Variants in AOX1 observed in about 807,000 individuals in gnomAD.
The protein encoded by AOX1 is aldehyde oxidase 1.
A neutral mutation model predicts 169.5 loss-of-function variants in AOX1; 153 were observed. That is an observed-to-expected ratio of 0.90 (90% CI 0.79 to 1.03). The LOEUF is 1.03. Ranked by LOEUF, AOX1 falls within the 50% of genes least tolerant of loss-of-function variation. The pLI is 0.00. For missense variants in AOX1, 1,656 were observed against 1,663.9 expected, an observed-to-expected ratio of 1.00 and a Z score of 0.08; for synonymous variants, 562 against 581.9, an observed-to-expected ratio of 0.97 and a Z score of 0.49.
chr2:200,595,536 G>C (rs1420149967), intron 3 of AOX1, among the ~76,000 whole-genome samples, 168 bp downstream of exon 3: 1 of 152,022 alleles, frequency 6.6e-6, no homozygotes, highest in Non-Finnish European at 1.5e-5. Context: ...TGAATGTTTT[G>C]GGAAAAAAAT....
intron 8 of AOX1, 121 bp from the exon 9 acceptor site, chr2:200,604,575 G>T (rs1275180526): frequency 1.8e-6 from 2 of 1,091,286 alleles, no homozygotes; most frequent in Non-Finnish European, 2.7e-6. Context: ...AGGTCACTTT[G>T]TACTTTATTT....
At chr2:200,647,260 C>T (rs1472684033) in intron 25 of AOX1, among the ~76,000 whole-genome samples, 1 of 152,152 alleles carries the variant, frequency 6.6e-6, no homozygotes, top group East Asian at 1.9e-4. Flanking sequence ...CTGCTTTTAG[C>T]AGTTCTTGTA....
chr2:200,610,813 C>T (rs1178679667), intron 12 of AOX1, among the ~76,000 whole-genome samples: 3 of 152,106 alleles, frequency 2.0e-5, no homozygotes, highest in South Asian at 4.1e-4. Flanking sequence ...CTCTGGGCTA[C>T]TCTGTGAGAT....
intron 10 of AOX1, 93 bp downstream of exon 10, chr2:200,605,721 A>G: frequency 5.6e-6 from 3 of 536,806 alleles, no homozygotes; most frequent in Non-Finnish European, 9.7e-6. Flanking sequence ...ATGATTCCTA[A>G]TTATAATACA....
Position 200,636,997 on chromosome 2 carries a change from G to T in AOX1, c.2433G>T (p.Val811=). 2.5e-6 allele frequency: 4 copies of T among 1,614,116 alleles called. No homozygotes were observed. The African/African-American group carries it at 5.3e-5, about 22-fold the overall frequency. ...TTGGTGGAGCGTTTGGAGGGAAGGT[G>T]TTAAAAACCGGAATCATTGCAGCCG... The part of the protein sequence containing the change: ...RRVGGAFGGK[V]LKTGIIAAVT... Residue 811 remains valine (V), a synonymous_variant, in exon 22 of 35, where the codon GTG becomes GTT. Transcript: ENST00000374700.
rs1459053754 is a variant in AOX1 at position 200,671,416 on chromosome 2, G to C, written c.*737G>C. 6.6e-6 allele frequency: 1 copy of C among 152,166 alleles called. No homozygotes were observed. Among genetic ancestry groups the C allele is most frequent in the Non-Finnish European group, 1.5e-5 (1 of 68,020 alleles). The allele number at this position is 152,166 out of a possible 1,614,324, so 9.4% of individuals were successfully genotyped here. A position where few individuals can be genotyped will look rare whatever the true frequency, so the allele number is the denominator to read the frequency against. ...GTTTTTACCCTAACTACTCTGACTT[G>C]ATCATTTAACATTCTGTGTATGTAA... On this transcript the variant is annotated 3_prime_UTR_variant, in exon 35 of 35. Coordinates refer to ENST00000374700, the MANE Select transcript of AOX1 (RefSeq NM_001159.4).
At chr2:200,620,379 GT>G (rs756207060) in intron 16 of AOX1, among the ~76,000 whole-genome samples, 7 of 129,106 alleles carry the variant, frequency 5.4e-5, no homozygotes, top group South Asian at 2.7e-4. Context: ...GTTTTGTTTT[GT>G]TTTTTTTTAG....
At chr2:200,677,784 G>A (rs1190542671), downstream of AOX1, among the ~76,000 whole-genome samples, 2 of 152,142 alleles carry the variant, frequency 1.3e-5, no homozygotes, top group Non-Finnish European at 2.9e-5. Context: ...CCTTGACACC[G>A]TGCCTGATGT....
At chr2:200,627,739 C>T (rs2035036636) in intron 20 of AOX1, among the ~76,000 whole-genome samples, 1 of 152,158 alleles carries the variant, frequency 6.6e-6, no homozygotes, top group African/African-American at 2.4e-5. Context: ...TTCACAACCA[C>T]CCTGCAAGAG....
chr2:200,587,228 C>T (rs1410160510), intron 1 of AOX1, among the ~76,000 whole-genome samples: 2 of 152,152 alleles, frequency 1.3e-5, no homozygotes, highest in African/African-American at 4.8e-5. Flanking sequence ...TTCAAGGTTA[C>T]AGTGAGCTGT....
At chr2:200,611,865 C>A (rs2034648672) in intron 13 of AOX1, among the ~76,000 whole-genome samples, 1 of 151,946 alleles carries the variant, frequency 6.6e-6, no homozygotes, top group African/African-American at 2.4e-5. Flanking sequence ...CCACCATGCC[C>A]AGCTAATTTT....
chr2:200,658,839 A>T (rs1382288454), intron 27 of AOX1, among the ~76,000 whole-genome samples: 1 of 152,244 alleles, frequency 6.6e-6, no homozygotes, highest in African/African-American at 2.4e-5. Flanking sequence ...GTGTGGTCGT[A>T]GGAGAAGCCT....
chr2:200,609,475 G>A (rs1328398257), intron 12 of AOX1, 61 bp downstream of exon 12: 1 of 1,387,832 alleles, frequency 7.2e-7, no homozygotes, highest in Non-Finnish European at 1.0e-6. Context: ...TTTCTCTCTG[G>A]GGAGGCAGGA....
intron 4 of AOX1, among the ~76,000 whole-genome samples, chr2:200,597,813 CAT>C (rs1205129174): frequency 6.6e-6 from 1 of 152,148 alleles, no homozygotes; most frequent in Non-Finnish European, 1.5e-5. Flanking sequence ...CTTCCAAACT[CAT>C]AAAGAAACAA....
At chr2:200,635,688 A>G (rs2035215597) in intron 21 of AOX1, among the ~76,000 whole-genome samples, 1 of 152,202 alleles carries the variant, frequency 6.6e-6, no homozygotes, top group African/African-American at 2.4e-5. Flanking sequence ...CCTACGCAGC[A>G]TGCATGGAAG....
rs112469183 is a variant in AOX1, at chr2:200,668,352, G to A, written c.3610-263G>A. On this transcript the variant is annotated intron_variant, in intron 32 of 34. Transcript: ENST00000374700. ...TCAAACTCCCAACCTCAGGTGATCCGCCTGCCTCGGCCTCCCAAAGTGCTG... is the reference window on the plus strand; with the variant it reads ...TCAAACTCCCAACCTCAGGTGATCCACCTGCCTCGGCCTCCCAAAGTGCTG... Among the ~76,000 whole-genome samples, 51 of 152,030 alleles carry A rather than the reference G, an allele frequency of 3.4e-4. No individual in the cohort carries two copies. In the South Asian group the frequency reaches 4.0e-3, roughly 12 times the overall value.
In AOX1 at chr2:200,642,805, A is replaced by G. The variant is rs2035378961; in HGVS notation, c.2847+4A>G. On this transcript the variant is annotated splice_donor_region_variant and intron_variant, in intron 25 of 34. Coordinates refer to ENST00000374700, the MANE Select transcript of AOX1 (RefSeq NM_001159.4). ...ATGTGGACTATCCCCTGAGAAGGTAATACTAAATCAGCTTCACAGACAAAA... is the reference window on the plus strand; with the variant it reads ...ATGTGGACTATCCCCTGAGAAGGTAGTACTAAATCAGCTTCACAGACAAAA... The G allele has an allele frequency of 6.2e-7, 1 of 1,607,952 alleles. No homozygotes were observed. Among genetic ancestry groups the G allele is most frequent in the African/African-American group, 1.3e-5 (1 of 74,854 alleles).
At chr2:200,668,324 G>T (rs1187721498) in intron 32 of AOX1, among the ~76,000 whole-genome samples, 1 of 151,936 alleles carries the variant, frequency 6.6e-6, no homozygotes, top group Admixed American at 6.6e-5. Flanking sequence ...AGTCAGGCTG[G>T]TCTCAAACTC....
intron 16 of AOX1, 34 bp downstream of exon 16, chr2:200,616,097 A>G (rs755373582): frequency 1.2e-5 from 18 of 1,481,788 alleles, no homozygotes; most frequent in South Asian, 2.3e-5. Context: ...AAAATTCACA[A>G]TCTGGGCTAT....
Sources: gnomAD v4.1 joint callset for allele counts (sites outside exome capture counted in the v4.1 genomes callset) on GRCh38, gnomAD v4.1.1 for gene constraint, MANE v1.5 for transcripts, NCBI Gene and HGNC (gene_info 2026-07-23, HGNC 2026-07-21) for gene names.